Variants in NELL2 observed in about 807,000 individuals in gnomAD.
NELL2 encodes neural EGFL like 2, also known as protein kinase C-binding protein NELL2.
In NELL2, 41 loss-of-function variants were observed where a neutral mutation model predicts 109.6. That is an observed-to-expected ratio of 0.37 (90% confidence interval 0.29 to 0.49). The LOEUF (loss-of-function observed/expected upper bound fraction) is 0.49. Ranked by LOEUF, NELL2 falls within the 20% of genes least tolerant of loss-of-function variation. The pLI, the probability that NELL2 is intolerant of heterozygous loss-of-function variation, is 0.98. For synonymous variants in NELL2, 355 were observed against 344.7 expected (o/e 1.03, Z -0.33); for missense variants, 900 against 1,008.3 (o/e 0.89, Z 1.45).
intron 13 of NELL2, among the ~76,000 whole-genome samples, chr12:44,640,206 T>C (rs1009408488): frequency 6.6e-5 from 10 of 152,180 alleles, no homozygotes; most frequent in African/African-American, 2.2e-4. Flanking sequence ...ATGATCATCA[T>C]TACAATTTAA....
chr12:44,597,399 C>A (rs1188652822), intron 15 of NELL2, among the ~76,000 whole-genome samples: 4 of 151,932 alleles, frequency 2.6e-5, no homozygotes, highest in African/African-American at 9.7e-5. Context: ...AACTATTGGC[C>A]CAAAGTAAAT....
intron 2 of NELL2, among the ~76,000 whole-genome samples, chr12:44,858,601 T>A (rs527535428): frequency 6.6e-6 from 1 of 152,176 alleles, no homozygotes; most frequent in Non-Finnish European, 1.5e-5. Context: ...AATATCCAAG[T>A]CTCTACAAAT....
At chr12:44,535,378 G>A (rs189012585) in intron 15 of NELL2, among the ~76,000 whole-genome samples, 10 of 152,084 alleles carry the variant, frequency 6.6e-5, no homozygotes, top group Admixed American at 6.6e-4. Flanking sequence ...GGGACCATCT[G>A]TGTAAGTTTC....
chr12:44,788,076 C>T (rs1942246717), intron 3 of NELL2, among the ~76,000 whole-genome samples: 1 of 152,110 alleles, frequency 6.6e-6, no homozygotes, highest in Admixed American at 6.5e-5. Context: ...GGACTACTAT[C>T]TAGAATATAA....
chr12:44,508,832 A>G lies in NELL2; in HGVS notation c.*102T>C. 1 of 963,224 alleles carries G rather than the reference A, an allele frequency of 1.0e-6. No individual in the cohort carries two copies. The highest frequency in any genetic ancestry group is 1.6e-6 in the Non-Finnish European group (1 of 618,524). The allele number at this position is 963,224 out of a possible 1,614,324, so 59.7% of individuals were successfully genotyped here. A position where few individuals can be genotyped will look rare whatever the true frequency, so the allele number is the denominator to read the frequency against. On this transcript the variant is annotated 3_prime_UTR_variant, in exon 20 of 20. Transcript: ENST00000429094. Reference sequence around the variant, plus strand: ...TTCACTCAGCTATTAACAAAGCTGCATTTAGCTGCCCACAAATCACCCAAT... The same window carrying G: ...TTCACTCAGCTATTAACAAAGCTGCGTTTAGCTGCCCACAAATCACCCAAT...
chr12:44,812,699 T>C (rs535467636), intron 3 of NELL2, among the ~76,000 whole-genome samples: 5 of 152,184 alleles, frequency 3.3e-5, no homozygotes, highest in African/African-American at 7.2e-5. Context: ...ATACAAGCCA[T>C]AACAGAAGGT....
chr12:44,624,541 A>ATACAAC (rs1351033540), intron 13 of NELL2, among the ~76,000 whole-genome samples: 1 of 151,992 alleles, frequency 6.6e-6, no homozygotes, highest in Non-Finnish European at 1.5e-5. Context: ...CAACTGGCAA[A>ATACAAC]TAGGTGTTAT....
At chr12:44,785,683 A>G (rs1467648506) in intron 3 of NELL2, among the ~76,000 whole-genome samples, 1 of 152,202 alleles carries the variant, frequency 6.6e-6, no homozygotes, top group Admixed American at 6.5e-5. Flanking sequence ...AAACAGATAT[A>G]TAGTCCAGTG....
chr12:44,572,474 G>T (rs568117807), intron 15 of NELL2, among the ~76,000 whole-genome samples: 1 of 151,980 alleles, frequency 6.6e-6, no homozygotes, highest in African/African-American at 2.4e-5. Flanking sequence ...TAATAATTTT[G>T]ATTTTCTTAA....
chr12:44,844,599 G>T (rs993898246), intron 2 of NELL2, among the ~76,000 whole-genome samples: 7 of 152,180 alleles, frequency 4.6e-5, no homozygotes, highest in African/African-American at 1.7e-4. Flanking sequence ...TTTTATATGA[G>T]AAATGTTGGA....
intron 9 of NELL2, among the ~76,000 whole-genome samples, chr12:44,715,910 C>T (rs1354141584): frequency 6.6e-6 from 1 of 152,092 alleles, no homozygotes; most frequent in South Asian, 2.1e-4. Context: ...AAACTATCAA[C>T]TTGCCAATAA....
chr12:44,700,781 C>T (rs1014524948), intron 12 of NELL2, among the ~76,000 whole-genome samples: 8 of 152,076 alleles, frequency 5.3e-5, no homozygotes, highest in South Asian at 2.1e-4. Context: ...TTATCTTCTT[C>T]GCCTGACAGA....
chr12:44,552,401 A>G (rs1943076233), intron 15 of NELL2, among the ~76,000 whole-genome samples: 1 of 151,692 alleles, frequency 6.6e-6, no homozygotes, highest in South Asian at 2.1e-4. Context: ...AGTGCTAAAA[A>G]CCTTCACATA....
intron 3 of NELL2, 33 bp from the exon 4 acceptor site, chr12:44,780,055 A>G (rs373907336): frequency 2.2e-4 from 352 of 1,602,900 alleles, no homozygotes; most frequent in Non-Finnish European, 2.9e-4. Context: ...GGACACATTA[A>G]AAATAAAGTT....
At chr12:44,610,791 G>A (rs1479152593) in intron 14 of NELL2, 57 bp downstream of exon 14, 9 of 1,608,270 alleles carry the variant, frequency 5.6e-6, no homozygotes, top group Non-Finnish European at 7.7e-6. Flanking sequence ...GTAGAGGAAG[G>A]TAGAGATGGA....
At chr12:44,714,546 C>T in intron 10 of NELL2, 104 bp downstream of exon 10, 1 of 637,702 alleles carries the variant, frequency 1.6e-6, no homozygotes, top group Non-Finnish European at 2.7e-6. Flanking sequence ...TTTCTCTTTG[C>T]ATTAGAATTT....
intron 2 of NELL2, among the ~76,000 whole-genome samples, chr12:44,842,824 C>T (rs970673463): frequency 6.6e-6 from 1 of 151,694 alleles, no homozygotes; most frequent in Admixed American, 6.6e-5. Flanking sequence ...CAGAGACAGA[C>T]ACGCACACAG....
intron 1 of NELL2, among the ~76,000 whole-genome samples, chr12:44,887,734 C>T (rs933864728): frequency 1.3e-5 from 2 of 151,608 alleles, no homozygotes; most frequent in African/African-American, 4.9e-5. Context: ...GGTTATTAAT[C>T]CCTTGTCAGG....
intron 15 of NELL2, among the ~76,000 whole-genome samples, chr12:44,592,103 T>C (rs1332620790): frequency 1.3e-5 from 2 of 152,186 alleles, no homozygotes; most frequent in African/African-American, 2.4e-5. Context: ...TAAGTTTAAC[T>C]ATTCAAATCA....
Sources: allele counts gnomAD v4.1 joint callset (sites outside exome capture counted in the v4.1 genomes callset), GRCh38; gene constraint gnomAD v4.1.1; transcripts MANE v1.5; gene names NCBI Gene and HGNC (gene_info 2026-07-23, HGNC 2026-07-21).